ACTR3C: variants seen among roughly 807,000 people sequenced by gnomAD.
ACTR3C encodes the protein actin related protein 3C.
Under a neutral mutation model 26.3 loss-of-function variants are expected in ACTR3C, and 18 were observed. The ratio of observed to expected loss-of-function variants is 0.68; its 90% CI spans 0.47 to 1.01. The LOEUF (loss-of-function observed/expected upper bound fraction) is 1.01. Ranked by LOEUF, ACTR3C falls within the 50% of genes least tolerant of loss-of-function variation. The pLI is 0.00. For synonymous variants in ACTR3C, 55 were observed against 94.5 expected (o/e 0.58, Z 2.42); for missense variants, 184 against 250.7 (o/e 0.73, Z 1.80).
At chr7:150,020,010 G>C in the ACTR3C span, among the ~76,000 whole-genome samples, 1 of 152,122 alleles carries the variant, frequency 6.6e-6, no homozygotes, top group Non-Finnish European at 1.5e-5. Context: ...TGAATATGGT[G>C]TCTATGGAGT....
the ACTR3C span, among the ~76,000 whole-genome samples, chr7:150,070,612 G>T: frequency 6.6e-6 from 1 of 151,824 alleles, no homozygotes; most frequent in African/African-American, 2.4e-5. Flanking sequence ...CGCCACGCCT[G>T]GCTAATTCTT....
chr7:150,033,593 C>A, the ACTR3C span, among the ~76,000 whole-genome samples: 78 of 149,906 alleles, frequency 5.2e-4, no homozygotes, highest in Middle Eastern at 0.025. Context: ...CCCCGCCTCG[C>A]AGGAGGTGCC....
chr7:150,186,470 G>A, the ACTR3C span, among the ~76,000 whole-genome samples: 1 of 152,040 alleles, frequency 6.6e-6, no homozygotes, highest in Non-Finnish European at 1.5e-5. Context: ...AATCCAAATG[G>A]GAACTTGGAG....
chr7:150,003,885 G>GGTGTGTGTGGTGT, the ACTR3C span, among the ~76,000 whole-genome samples: 1 of 143,118 alleles, frequency 7.0e-6, no homozygotes, highest in African/African-American at 2.6e-5. Flanking sequence ...TATGTTATGG[G>GGTGTGTGTGGTGT]GTGTGTGTGG....
At chr7:150,043,430 C>G in the ACTR3C span, among the ~76,000 whole-genome samples, 5 of 152,142 alleles carry the variant, frequency 3.3e-5, no homozygotes, top group Non-Finnish European at 7.4e-5. Flanking sequence ...AGGTTTTGCC[C>G]AAGAGTCAGC....
At chr7:150,131,150 C>G in the ACTR3C span, among the ~76,000 whole-genome samples, 7,065 of 151,028 alleles carry the variant, frequency 0.047, no homozygotes, top group African/African-American at 0.16. Flanking sequence ...AAAGATGACA[C>G]AAAAAAGTAT....
chr7:149,945,690 G>C, the ACTR3C span, among the ~76,000 whole-genome samples: 3 of 152,130 alleles, frequency 2.0e-5, no homozygotes, highest in Non-Finnish European at 4.4e-5. Flanking sequence ...AGGTGCCCCA[G>C]GTCTAATGCC....
the ACTR3C span, among the ~76,000 whole-genome samples, chr7:150,086,449 TCAGA>T: frequency 6.6e-6 from 1 of 152,192 alleles, no homozygotes; most frequent in Non-Finnish European, 1.5e-5. Context: ...TTGGGCTCAG[TCAGA>T]AATTCCCACA....
the ACTR3C span, among the ~76,000 whole-genome samples, chr7:149,943,094 T>C: frequency 2.0e-5 from 3 of 151,962 alleles, no homozygotes; most frequent in African/African-American, 7.3e-5. Flanking sequence ...GTCAGCAAAC[T>C]ATGGCCCCGG....
At chr7:150,115,993 T>C in the ACTR3C span, among the ~76,000 whole-genome samples, 73,942 of 152,054 alleles carry the variant, frequency 0.49, 19,048 homozygotes, top group African/African-American at 0.67. Flanking sequence ...CACAGCTTTG[T>C]TTTTAAGGGA....
intron 6 of ACTR3C, among the ~76,000 whole-genome samples, chr7:150,254,883 T>C (rs1288371587): frequency 6.6e-6 from 1 of 152,204 alleles, no homozygotes; most frequent in Non-Finnish European, 1.5e-5. Flanking sequence ...CCAGAGGACA[T>C]AGGCTTACTC....
At chr7:150,093,598 G>T in the ACTR3C span, among the ~76,000 whole-genome samples, 1 of 150,954 alleles carries the variant, frequency 6.6e-6, no homozygotes, top group Non-Finnish European at 1.5e-5. Context: ...GTCCAGGTGG[G>T]TGCAGGCAGT....
chr7:149,959,640 C>T, the ACTR3C span, among the ~76,000 whole-genome samples: 1 of 152,306 alleles, frequency 6.6e-6, no homozygotes, highest in Admixed American at 6.5e-5. Flanking sequence ...AGAGAGGTGG[C>T]CCCAAACTAG....
downstream of ACTR3C, among the ~76,000 whole-genome samples, chr7:150,242,463 G>A (rs1245417268): frequency 6.6e-6 from 1 of 150,768 alleles, no homozygotes; most frequent in African/African-American, 2.5e-5. Flanking sequence ...AGGCTACTCA[G>A]GCCTAAACAT....
the ACTR3C span, among the ~76,000 whole-genome samples, chr7:150,004,205 GGT>G: frequency 6.6e-6 from 1 of 151,632 alleles, no homozygotes; most frequent in African/African-American, 2.4e-5. Flanking sequence ...TGTGTTATGT[GGT>G]GTGTTATGTT....
At chr7:150,036,368 G>T in the ACTR3C span, among the ~76,000 whole-genome samples, 426 of 126,630 alleles carry the variant, frequency 3.4e-3, 2 homozygotes, top group South Asian at 0.039. Flanking sequence ...CGTAGGCTAC[G>T]GGCCTCAGCC....
the ACTR3C span, among the ~76,000 whole-genome samples, chr7:150,198,558 C>A: frequency 2.1e-5 from 3 of 145,776 alleles, no homozygotes; most frequent in Admixed American, 6.7e-5. Flanking sequence ...AGGTGAGGAG[C>A]GTCTCTGCCC....
the ACTR3C span, among the ~76,000 whole-genome samples, chr7:149,914,882 CTT>C: frequency 0.018 from 2,380 of 130,994 alleles, 40 homozygotes; most frequent in African/African-American, 0.048. Flanking sequence ...AAATTTAATT[CTT>C]TTTTTTTTTT....
At chr7:150,032,779 G>A in the ACTR3C span, among the ~76,000 whole-genome samples, 1 of 152,094 alleles carries the variant, frequency 6.6e-6, no homozygotes, top group African/African-American at 2.4e-5. Flanking sequence ...GTAGTGGTTT[G>A]CTATACAATT....
Sources: gnomAD v4.1 joint callset for allele counts (sites outside exome capture counted in the v4.1 genomes callset) on GRCh38, gnomAD v4.1.1 for gene constraint, MANE v1.5 for transcripts, NCBI Gene and HGNC (gene_info 2026-07-23, HGNC 2026-07-21) for gene names.